CTNND2: variants seen among roughly 807,000 people sequenced by gnomAD.
CTNND2 encodes the protein catenin delta 2.
CTNND2 carries 22 observed loss-of-function variants against 144.4 expected under a neutral mutation model. The ratio of observed to expected loss-of-function variants is 0.15; its 90% CI spans 0.11 to 0.22. The LOEUF is 0.22. CTNND2 is among the 10% of genes least tolerant of loss of function. The pLI, the probability that CTNND2 is intolerant of heterozygous loss-of-function variation, is 1.00. For missense variants in CTNND2, 1,353 were observed against 1,618.8 expected (o/e 0.84, Z 2.82); for synonymous variants, 751 against 695.6 (o/e 1.08, Z -1.25).
At chr5:11,813,822 A>T (rs1792481573) in intron 1 of CTNND2, among the ~76,000 whole-genome samples, 1 of 152,184 alleles carries the variant, frequency 6.6e-6, no homozygotes, top group African/African-American at 2.4e-5. Context: ...CCTAGAACAA[A>T]CATTTAAATC....
intron 9 of CTNND2, among the ~76,000 whole-genome samples, chr5:11,254,184 A>T (rs1242140422): frequency 6.6e-6 from 1 of 152,214 alleles, no homozygotes; most frequent in Non-Finnish European, 1.5e-5. Context: ...CTCAATAAAC[A>T]TTAGTAGTCA....
intron 3 of CTNND2, among the ~76,000 whole-genome samples, chr5:11,555,663 AC>A (rs1253955235): frequency 1.3e-5 from 2 of 152,080 alleles, no homozygotes; most frequent in Admixed American, 6.6e-5. Context: ...TCTTAGAGGA[AC>A]AATCTCAGCA....
At chr5:11,186,156 T>C (rs1343903683) in intron 11 of CTNND2, among the ~76,000 whole-genome samples, 1 of 152,212 alleles carries the variant, frequency 6.6e-6, no homozygotes. Flanking sequence ...GCCCTAATGA[T>C]CACGGAGGTG....
At chr5:11,447,038 T>C (rs1327916517) in intron 3 of CTNND2, among the ~76,000 whole-genome samples, 2 of 152,114 alleles carry the variant, frequency 1.3e-5, no homozygotes, top group Non-Finnish European at 2.9e-5. Context: ...GAGGGTTCTT[T>C]AACCCCCTTC....
At chr5:11,037,439 T>C (rs1348382410) in intron 16 of CTNND2, among the ~76,000 whole-genome samples, 1 of 152,142 alleles carries the variant, frequency 6.6e-6, no homozygotes, top group African/African-American at 2.4e-5. Flanking sequence ...GAAAATTGGA[T>C]CTTAGTTACA....
chr5:11,565,666 G>T (rs534851574), intron 2 of CTNND2, among the ~76,000 whole-genome samples: 1 of 151,996 alleles, frequency 6.6e-6, no homozygotes, highest in Non-Finnish European at 1.5e-5. Flanking sequence ...TTGATATATC[G>T]CCTTAAAAAC....
chr5:11,745,673 C>A (rs1788269008), intron 1 of CTNND2, among the ~76,000 whole-genome samples: 2 of 152,308 alleles, frequency 1.3e-5, no homozygotes, highest in Admixed American at 6.5e-5. Context: ...CCTGGACACA[C>A]AAAACCCTCC....
chr5:11,519,065 A>G (rs1352797830), intron 3 of CTNND2, among the ~76,000 whole-genome samples: 1 of 147,704 alleles, frequency 6.8e-6, no homozygotes, highest in Non-Finnish European at 1.5e-5. Context: ...GGAAAAAAAT[A>G]GCTCCATGTG....
chr5:11,751,638 T>C (rs974142491), intron 1 of CTNND2, among the ~76,000 whole-genome samples: 20 of 151,902 alleles, frequency 1.3e-4, no homozygotes, highest in African/African-American at 4.6e-4. Context: ...CTACTGCTAA[T>C]GGCCATTTAG....
intron 3 of CTNND2, among the ~76,000 whole-genome samples, chr5:11,554,100 T>A (rs188356661): frequency 6.6e-6 from 1 of 152,328 alleles, no homozygotes; most frequent in African/African-American, 2.4e-5. Context: ...CTTAATATGA[T>A]GACTGGTATT....
At chr5:11,286,371 T>A (rs1747756237) in intron 9 of CTNND2, among the ~76,000 whole-genome samples, 2 of 152,198 alleles carry the variant, frequency 1.3e-5, no homozygotes, top group African/African-American at 2.4e-5. Flanking sequence ...ATACTTCACA[T>A]GTCTTAAGTT....
intron 18 of CTNND2, among the ~76,000 whole-genome samples, chr5:11,014,530 C>A (rs1483683298): frequency 1.3e-5 from 2 of 152,194 alleles, no homozygotes; most frequent in Admixed American, 6.5e-5. Flanking sequence ...CATTCTCCTA[C>A]ATCTGTTGAT....
At chr5:11,530,788 A>G (rs111468993) in intron 3 of CTNND2, among the ~76,000 whole-genome samples, 2 of 152,328 alleles carry the variant, frequency 1.3e-5, no homozygotes, top group African/African-American at 4.8e-5. Context: ...CTTAGCAAAC[A>G]TGATGGTGTG....
chr5:11,738,147 G>A (rs1787798549), intron 1 of CTNND2, among the ~76,000 whole-genome samples: 2 of 152,168 alleles, frequency 1.3e-5, no homozygotes, highest in Admixed American at 6.5e-5. Flanking sequence ...GTCTCAGGAG[G>A]AGGCATGTGT....
chr5:11,197,332 A>G (rs1223107328), intron 11 of CTNND2, among the ~76,000 whole-genome samples: 1 of 152,242 alleles, frequency 6.6e-6, no homozygotes, highest in African/African-American at 2.4e-5. Context: ...TGAAGTAACA[A>G]CCACTGTCCA....
chr5:10,996,448 G>T (rs2149507180), intron 18 of CTNND2, among the ~76,000 whole-genome samples: 1 of 106,604 alleles, frequency 9.4e-6, no homozygotes, highest in Non-Finnish European at 1.7e-5. Flanking sequence ...AAGGACGTCT[G>T]TTCCACCTCC....
chr5:11,625,327 T>C (rs1285951077), intron 2 of CTNND2, among the ~76,000 whole-genome samples: 1 of 151,518 alleles, frequency 6.6e-6, no homozygotes, highest in East Asian at 1.9e-4. Context: ...ACCAATCTCA[T>C]AGGGAAAGAA....
chr5:11,242,014 C>G (rs182095938), intron 9 of CTNND2, among the ~76,000 whole-genome samples: 1 of 150,028 alleles, frequency 6.7e-6, no homozygotes, highest in Non-Finnish European at 1.5e-5. Context: ...CCAGAGAGGA[C>G]GGCTGTCTGG....
chr5:11,796,552 T>A (rs1481819607), intron 1 of CTNND2, among the ~76,000 whole-genome samples: 1 of 152,228 alleles, frequency 6.6e-6, no homozygotes, highest in Non-Finnish European at 1.5e-5. Context: ...CCTTATCTCA[T>A]CCTTTGTGCT....
Sources: gnomAD v4.1 joint callset for allele counts (sites outside exome capture counted in the v4.1 genomes callset) on GRCh38, gnomAD v4.1.1 for gene constraint, MANE v1.5 for transcripts, NCBI Gene and HGNC (gene_info 2026-07-23, HGNC 2026-07-21) for gene names.